Variants in GPD2 observed in about 807,000 individuals in gnomAD.
GPD2 encodes glycerol-3-phosphate dehydrogenase, mitochondrial.
In GPD2, 54 loss-of-function variants were observed where a neutral mutation model predicts 82.4. The observed-to-expected ratio is 0.66, with a 90% confidence interval of 0.53 to 0.82. The LOEUF is 0.82. Among genes scored for constraint, GPD2 ranks in the 40% least tolerant of loss-of-function variants. The probability of loss-of-function intolerance (pLI) is 0.00; values close to 1 mark genes in which losing one functional copy is unlikely to be tolerated. For missense variants in GPD2, 748 were observed against 896.2 expected (o/e 0.83, Z 2.11); for synonymous variants, 288 against 306.1 (o/e 0.94, Z 0.62).
the GPD2 span, among the ~76,000 whole-genome samples, chr2:156,429,127 G>A: frequency 1.3e-5 from 2 of 151,990 alleles, no homozygotes; most frequent in Non-Finnish European, 2.9e-5. Context: ...ATAAACAGTG[G>A]TCAAGTTTAT....
chr2:156,586,085 A>G lies in GPD2; in HGVS notation c.*3167A>G, dbSNP rs1688206824. 5 of 152,462 alleles carry G rather than the reference A, an allele frequency of 3.3e-5. No homozygotes were observed. 9.4% of individuals were successfully genotyped at this position (152,462 alleles called of 1,614,324 possible). A position where few individuals can be genotyped will look rare whatever the true frequency, so the allele number is the denominator to read the frequency against. ...CATTTATAGAGCAATAAGAGGATGT[A>G]TTTAATGTGCCTTGTTTTTAACTGA... On this transcript the variant is annotated 3_prime_UTR_variant, in exon 17 of 17. Transcript: ENST00000438166.
intron 9 of GPD2, among the ~76,000 whole-genome samples, chr2:156,562,298 G>C (rs913484059): frequency 6.6e-6 from 1 of 152,194 alleles, no homozygotes; most frequent in African/African-American, 2.4e-5. Flanking sequence ...ACTCACTGCA[G>C]ACCTGCCTTT....
chr2:156,541,366 A>G (rs187982601), intron 6 of GPD2, among the ~76,000 whole-genome samples: 1 of 152,188 alleles, frequency 6.6e-6, no homozygotes, highest in South Asian at 2.1e-4. Flanking sequence ...GACTTTTGGG[A>G]GCATGTGACT....
chr2:156,488,666 C>T (rs1684037065), intron 2 of GPD2, among the ~76,000 whole-genome samples: 1 of 151,114 alleles, frequency 6.6e-6, no homozygotes, highest in Non-Finnish European at 1.5e-5. Flanking sequence ...CATAGTAAAA[C>T]TGATCTCATT....
At chr2:156,489,665 G>C (rs1335411872) in intron 2 of GPD2, among the ~76,000 whole-genome samples, 1 of 151,788 alleles carries the variant, frequency 6.6e-6, no homozygotes, top group Non-Finnish European at 1.5e-5. Flanking sequence ...GTTTCCTCAG[G>C]ACATAGAGTT....
intron 3 of GPD2, among the ~76,000 whole-genome samples, chr2:156,502,142 G>C (rs1684607675): frequency 6.6e-6 from 1 of 151,726 alleles, no homozygotes; most frequent in South Asian, 2.1e-4. Context: ...ATGTATGCAT[G>C]CATATATATT....
chr2:156,557,531 A>G lies in GPD2; in HGVS notation c.1114A>G (p.Ile372Val), dbSNP rs149824138. The change falls in exon 9 of 17, where the codon ATC becomes GTC. Residue 372 changes from isoleucine to valine, a missense_variant. Transcript: ENST00000438166. ...CCATCCAATTCCTTCAGAAGAAGAT[A>G]TCAACTTCATTTTGAATGAAGTGCG... ...THHPIPSEED[I>V]NFILNEVRNY... 8.3e-5 allele frequency: 133 copies of G among 1,602,380 alleles called. 1 individual carries two copies. In the African/African-American group the frequency reaches 1.4e-3, roughly 16 times the overall value.
intron 2 of GPD2, among the ~76,000 whole-genome samples, chr2:156,490,876 A>AT (rs1684149281): frequency 1.3e-5 from 2 of 152,332 alleles, no homozygotes; most frequent in Admixed American, 6.5e-5. Context: ...TAATTCACTT[A>AT]TTTTTTGTTA....
chr2:156,583,022 G>C lies in GPD2; in HGVS notation c.*104G>C. 7.9e-7 allele frequency: 1 copy of C among 1,270,422 alleles called. No individual in the cohort carries two copies. Among genetic ancestry groups the C allele is most frequent in the Non-Finnish European group, 1.1e-6 (1 of 880,694 alleles). 78.7% of individuals were successfully genotyped at this position (1,270,422 alleles called of 1,614,324 possible). ...TCTGAAATAATGAATGTGGATAGCT[G>C]CCTTTTTTAACACTAGAAAACATTC... On this transcript the variant is annotated 3_prime_UTR_variant, in exon 17 of 17. Transcript: ENST00000438166.
chr2:156,427,097 G>C, the GPD2 span, among the ~76,000 whole-genome samples: 2 of 152,194 alleles, frequency 1.3e-5, no homozygotes, highest in Admixed American at 1.3e-4. Context: ...TTATCTGGCT[G>C]AGTCTCTATA....
intron 10 of GPD2, 148 bp from the exon 11 acceptor site, chr2:156,569,215 A>AT (rs901569977): frequency 1.5e-4 from 107 of 693,706 alleles, no homozygotes; most frequent in Non-Finnish European, 2.4e-4. Context: ...TTGAACAAGC[A>AT]TTTTTTTTAT....
chr2:156,511,002 A>G (rs1445071623), intron 4 of GPD2, 82 bp downstream of exon 4: 11 of 1,177,384 alleles, frequency 9.3e-6, no homozygotes, highest in Admixed American at 3.4e-5. Flanking sequence ...TTTTTCTTTA[A>G]TGGCTTAAAA....
chr2:156,537,526 C>T (rs918767567), intron 6 of GPD2, among the ~76,000 whole-genome samples: 2 of 152,016 alleles, frequency 1.3e-5, no homozygotes, highest in African/African-American at 2.4e-5. Context: ...CTAAGTCATA[C>T]GTTTTCAATT....
chr2:156,571,347 T>A, intron 13 of GPD2, 55 bp downstream of exon 13: 1 of 1,109,566 alleles, frequency 9.0e-7, no homozygotes, highest in Non-Finnish European at 1.3e-6. Context: ...CGGAATGGCT[T>A]AATTTGTTAG....
At chr2:156,453,169 GT>G (rs1412054030) in intron 1 of GPD2, among the ~76,000 whole-genome samples, 1 of 152,210 alleles carries the variant, frequency 6.6e-6, no homozygotes, top group Non-Finnish European at 1.5e-5. Context: ...AGCTGTTTGG[GT>G]GGAGATGTGA....
At chr2:156,483,158 T>C (rs1475624623) in intron 2 of GPD2, among the ~76,000 whole-genome samples, 1 of 151,618 alleles carries the variant, frequency 6.6e-6, no homozygotes, top group Admixed American at 6.6e-5. Context: ...CAAAAAAGAA[T>C]GATCAACTCT....
chr2:156,422,925 C>T, the GPD2 span, among the ~76,000 whole-genome samples: 5 of 151,988 alleles, frequency 3.3e-5, no homozygotes, highest in Non-Finnish European at 7.4e-5. Context: ...GGTCTAAGTG[C>T]TTAGAATGGA....
chr2:156,476,706 A>C lies in GPD2; in HGVS notation c.102+499A>C, dbSNP rs28551173. On this transcript the variant is annotated intron_variant, in intron 2 of 16. Coordinates refer to ENST00000438166, the MANE Select transcript of GPD2 (RefSeq NM_000408.5). ...TAAATGAAGGAAAGCCAGGAAAATG[A>C]GATTGGTAAGAAGTTTCCAAATATT... Among the ~76,000 whole-genome samples, 265 of 152,360 alleles carry C rather than the reference A, an allele frequency of 1.7e-3. 1 individual carries two copies. Among genetic ancestry groups the C allele is most frequent in the African/African-American group, 6.0e-3 (250 of 41,582 alleles).
intron 1 of GPD2, among the ~76,000 whole-genome samples, chr2:156,467,443 G>C (rs1683187419): frequency 6.6e-6 from 1 of 152,154 alleles, no homozygotes; most frequent in African/African-American, 2.4e-5. Flanking sequence ...GCGTTATCAG[G>C]ATAATGCTTT....
Sources: allele counts gnomAD v4.1 joint callset (sites outside exome capture counted in the v4.1 genomes callset), GRCh38; gene constraint gnomAD v4.1.1; transcripts MANE v1.5; gene names NCBI Gene and HGNC (gene_info 2026-07-23, HGNC 2026-07-21).